Variants in POLK observed in about 807,000 individuals in gnomAD.
The protein encoded by POLK is DNA polymerase kappa, also known as polymerase (DNA directed) kappa.
POLK carries 76 observed loss-of-function variants against 94.0 expected under a neutral mutation model. The ratio of observed to expected loss-of-function variants is 0.81; its 90% CI spans 0.67 to 0.98. The LOEUF is 0.98. Ranked by LOEUF, POLK falls within the 50% of genes least tolerant of loss-of-function variation. The pLI is 0.00. For synonymous variants in POLK, 349 were observed against 325.4 expected (o/e 1.07, Z -0.78); for missense variants, 954 against 1,010.1 (o/e 0.94, Z 0.75).
intron 11 of POLK, 80 bp downstream of exon 11, chr5:75,590,520 A>T (rs1171340092): frequency 6.3e-6 from 5 of 798,938 alleles, no homozygotes; most frequent in Non-Finnish European, 1.1e-5. Context: ...GAGTTAGATT[A>T]CACATTTCTT....
At chr5:75,537,957 T>A (rs188182347) in intron 1 of POLK, among the ~76,000 whole-genome samples, 6 of 152,038 alleles carry the variant, frequency 3.9e-5, no homozygotes, top group South Asian at 4.2e-4. Context: ...CCCGGGTTCA[T>A]GCCATTCTCC....
At chr5:75,513,565 C>G (rs1481540102) in intron 1 of POLK, among the ~76,000 whole-genome samples, 1 of 152,110 alleles carries the variant, frequency 6.6e-6, no homozygotes, top group Admixed American at 6.6e-5. Flanking sequence ...CCCTTTTTAT[C>G]CTGTTTCCTA....
At chr5:75,591,306 T>C (rs534758549) in intron 11 of POLK, among the ~76,000 whole-genome samples, 84 of 152,320 alleles carry the variant, frequency 5.5e-4, no homozygotes, top group Non-Finnish European at 1.0e-3. Flanking sequence ...AAAACTATTA[T>C]GCTAATCAGT....
At chr5:75,552,030 T>C (rs939424811) in intron 2 of POLK, among the ~76,000 whole-genome samples, 5 of 152,232 alleles carry the variant, frequency 3.3e-5, no homozygotes, top group Non-Finnish European at 7.3e-5. Context: ...GGGCAGTTTT[T>C]TGAATTATTT....
rs886702303 is a variant in POLK, at chr5:75,519,672, T to A, written c.-14+7758T>A. On this transcript the variant is annotated intron_variant, in intron 1 of 14. Transcript: ENST00000241436. ...TTGGAGTCTTTGACTTATAGTCGTA[T>A]TTTATCTGATATGTTAGCTACTCCT... Among the ~76,000 whole-genome samples, 3 of 152,226 alleles carry A rather than the reference T, an allele frequency of 2.0e-5. No individual in the cohort carries two copies. The East Asian group carries it at 5.8e-4, about 29-fold the overall frequency.
At chr5:75,580,203 T>G (rs955512212) in intron 6 of POLK, among the ~76,000 whole-genome samples, 3 of 152,088 alleles carry the variant, frequency 2.0e-5, no homozygotes, top group African/African-American at 7.2e-5. Flanking sequence ...GTATGCATCT[T>G]AAAACTAGAA....
intron 4 of POLK, 134 bp from the exon 5 acceptor site, chr5:75,573,600 CAAAA>C: frequency 1.4e-6 from 1 of 703,892 alleles, no homozygotes; most frequent in Non-Finnish European, 2.4e-6. Flanking sequence ...ACAACAAAAA[CAAAA>C]ACAAAAAACT....
At chr5:75,518,719 A>C (rs909745427) in intron 1 of POLK, among the ~76,000 whole-genome samples, 9 of 151,956 alleles carry the variant, frequency 5.9e-5, no homozygotes, top group Non-Finnish European at 1.0e-4. Context: ...TTTATTTGAA[A>C]TCTTTCTCCT....
intron 10 of POLK, 134 bp downstream of exon 10, chr5:75,587,192 C>T (rs145357515): frequency 4.9e-4 from 271 of 548,638 alleles, no homozygotes; most frequent in African/African-American, 4.9e-3. Flanking sequence ...TAGTAGTTTA[C>T]ACTCCCTGCA....
At chr5:75,528,884 G>C (rs1264020800) in intron 1 of POLK, among the ~76,000 whole-genome samples, 1 of 152,146 alleles carries the variant, frequency 6.6e-6, no homozygotes, top group East Asian at 1.9e-4. Flanking sequence ...ATGACATTAA[G>C]TGAATACAAT....
At chr5:75,511,614 G>A, upstream of POLK, 1 of 1,474,294 alleles carries the variant, frequency 6.8e-7, no homozygotes, top group Non-Finnish European at 9.0e-7. Context: ...CCATCTTCCT[G>A]CCTGGCCCAC....
exon 15 of POLK, chr5:75,599,992 A>G (rs988658430): frequency 4.6e-5 from 7 of 152,252 alleles, no homozygotes; most frequent in African/African-American, 1.7e-4. Context: ...ATACAGCAAA[A>G]CTACAAGAAC....
At chr5:75,600,573 A>C (rs1773274832) in exon 15 of POLK, 1 of 152,220 alleles carries the variant, frequency 6.6e-6, no homozygotes, top group Admixed American at 6.5e-5. Flanking sequence ...CTTCCCAGTC[A>C]GGAAGGTGGC....
At chr5:75,547,130 T>C in exon 2 of POLK, 1 of 1,546,882 alleles carries the variant, frequency 6.5e-7, no homozygotes, top group Non-Finnish European at 8.8e-7. Context: ...AAGAGAAAAT[T>C]AACAAAATTA....
chr5:75,536,738 C>T (rs1769464029), intron 1 of POLK, among the ~76,000 whole-genome samples: 1 of 152,124 alleles, frequency 6.6e-6, no homozygotes, highest in South Asian at 2.1e-4. Flanking sequence ...CTACCAGAGG[C>T]AGGGATGGGC....
At chr5:75,562,401 G>A (rs1477560849) in intron 3 of POLK, among the ~76,000 whole-genome samples, 1 of 152,176 alleles carries the variant, frequency 6.6e-6, no homozygotes, top group African/African-American at 2.4e-5. Context: ...AGCTTAAGGA[G>A]TTTTTGGGCT....
chr5:75,604,256 C>T (rs1483684052), downstream of POLK, among the ~76,000 whole-genome samples: 1 of 151,878 alleles, frequency 6.6e-6, no homozygotes, highest in Admixed American at 6.6e-5. Flanking sequence ...TATACTGTGT[C>T]GTTTTGGAGT....
chr5:75,544,760 G>A (rs1172130222), intron 1 of POLK, among the ~76,000 whole-genome samples: 1 of 152,204 alleles, frequency 6.6e-6, no homozygotes, highest in African/African-American at 2.4e-5. Flanking sequence ...CTCTTTAGTA[G>A]TGAAGGTATG....
At chr5:75,523,130 G>T (rs1561331592) in intron 1 of POLK, among the ~76,000 whole-genome samples, 1 of 151,996 alleles carries the variant, frequency 6.6e-6, no homozygotes, top group Non-Finnish European at 1.5e-5. Context: ...TATCTTAAAG[G>T]TCAAAGCACA....
Sources: allele counts gnomAD v4.1 joint callset (sites outside exome capture counted in the v4.1 genomes callset), GRCh38; gene constraint gnomAD v4.1.1; transcripts MANE v1.5; gene names NCBI Gene and HGNC (gene_info 2026-07-23, HGNC 2026-07-21).